The following EP300 variants were observed in gnomAD, a reference collection of about 807,000 sequenced individuals.
The protein encoded by EP300 is histone acetyltransferase p300.
In EP300, 31 loss-of-function variants were observed where a neutral mutation model predicts 264.0. The observed-to-expected ratio is 0.12, with a 90% confidence interval of 0.09 to 0.16. The LOEUF is 0.16. Ranked by LOEUF, EP300 falls within the 10% of genes least tolerant of loss-of-function variation. The pLI is 1.00. For synonymous variants in EP300, 1,340 were observed against 1,045.4 expected, an observed-to-expected ratio of 1.28 and a Z score of -5.44; for missense variants, 2,766 against 3,052.9, an observed-to-expected ratio of 0.91 and a Z score of 2.21.
At chr22:41,159,094 C>A (rs1314912773) in intron 19 of EP300, 1 of 154,532 alleles carries the variant, frequency 6.5e-6, no homozygotes, top group African/African-American at 2.4e-5. Flanking sequence ...TTTTCTCCTG[C>A]CCAATCAATG....
chr22:41,144,355 T>C (rs138581327), intron 10 of EP300, among the ~76,000 whole-genome samples: 51 of 152,198 alleles, frequency 3.4e-4, no homozygotes, highest in African/African-American at 1.2e-3. Context: ...CCTCTAAATA[T>C]TTATATATAT....
At chr22:41,120,313 C>G (rs1286637509) in intron 2 of EP300, among the ~76,000 whole-genome samples, 2 of 152,188 alleles carry the variant, frequency 1.3e-5, no homozygotes, top group Non-Finnish European at 2.9e-5. Context: ...AGACCCCCAT[C>G]TCTACCAAAA....
chr22:41,171,352 T>G (rs1161320430), intron 27 of EP300, among the ~76,000 whole-genome samples: 1 of 152,206 alleles, frequency 6.6e-6, no homozygotes, highest in South Asian at 2.1e-4. Flanking sequence ...GGTGTTTTGT[T>G]TTCAGAAAGG....
chr22:41,144,954 T>C lies in EP300; in HGVS notation c.2054-1785T>C, dbSNP rs577357897. Among the ~76,000 whole-genome samples, 37 of 152,354 alleles carry C rather than the reference T, an allele frequency of 2.4e-4. No individual in the cohort carries two copies. The East Asian group carries it at 6.5e-3, about 27-fold the overall frequency. ...ACCCCCTTTCTCCTACAGTGACACC[T>C]GTCTATAGCTGCACTCATGGCTGAC... On this transcript the variant is annotated intron_variant, in intron 10 of 30. Coordinates refer to ENST00000263253, the MANE Select transcript of EP300 (RefSeq NM_001429.4).
chr22:41,119,169 ATTATTATTTTT>A (rs2058837806), intron 2 of EP300, among the ~76,000 whole-genome samples: 2 of 73,228 alleles, frequency 2.7e-5, no homozygotes, highest in African/African-American at 7.5e-5. Context: ...TGCCTGGCTT[ATTATTATTTTT>A]TTTTTTTTTT....
At chr22:41,118,021 C>G (rs2058831271) in intron 2 of EP300, among the ~76,000 whole-genome samples, 200 bp downstream of exon 2, 1 of 152,160 alleles carries the variant, frequency 6.6e-6, no homozygotes, top group Admixed American at 6.5e-5. Context: ...TTCATACTTC[C>G]AAATGATTGC....
At position 41,117,315 on chromosome 22, in the gene EP300, G is replaced by C. The variant is rs2145696504; in HGVS notation, c.223G>C (p.Ala75Pro). The C allele has an allele frequency of 6.2e-7, 1 of 1,614,196 alleles. No homozygotes were observed. Among genetic ancestry groups the C allele is most frequent in the Non-Finnish European group, 8.5e-7 (1 of 1,180,042 alleles). ...QTSLGMVQDA[A>P]SKHKQLSELL... ...AAGTCTTGGCATGGTACAAGATGCA[G>C]CTTCTAAACATAAACAGCTGTCAGA... is the stretch of plus-strand genomic sequence containing the variant. The change falls in exon 2 of 31, where the codon GCT becomes CCT. Residue 75 changes from alanine (A) to proline (P), a missense_variant. By Grantham distance (27) the Ala-to-Pro change is conservative. Coordinates refer to ENST00000263253, the MANE Select transcript of EP300 (RefSeq NM_001429.4).
chr22:41,158,577 TAC>T (rs2059090386), intron 19 of EP300, 77 bp downstream of exon 19: 2 of 1,135,004 alleles, frequency 1.8e-6, no homozygotes, highest in Non-Finnish European at 2.6e-6. Flanking sequence ...CCAGCACACA[TAC>T]AGTCATGGTT....
chr22:41,134,010 G>T (rs901709120), intron 6 of EP300, among the ~76,000 whole-genome samples: 2 of 152,166 alleles, frequency 1.3e-5, no homozygotes, highest in Non-Finnish European at 2.9e-5. Flanking sequence ...ATTCAAGTTT[G>T]TAAGTCAGAT....
At chr22:41,096,446 C>T (rs1402966838) in intron 1 of EP300, among the ~76,000 whole-genome samples, 1 of 151,956 alleles carries the variant, frequency 6.6e-6, no homozygotes, top group East Asian at 1.9e-4. Flanking sequence ...TCCTTCTGGT[C>T]TTGGTACAGT....
At position 41,093,073 on chromosome 22, in the gene EP300, C is replaced by T. The variant is rs543993838; in HGVS notation, c.69C>T (p.Leu23=). The T allele has an allele frequency of 1.2e-6, 2 of 1,614,148 alleles. No homozygotes were observed. The highest frequency in any genetic ancestry group is 1.3e-5 in the African/African-American group (1 of 75,074). ...AKRPKLSSPA[L]SASASDGTDF... is the part of the protein sequence containing the mutation. ...GGCCTAAACTCTCATCTCCGGCCCT[C>T]TCGGCGTCCGCCAGCGATGGCACAG... The change falls in exon 1 of 31, where the codon CTC becomes CTT. Residue 23 remains leucine, a synonymous_variant. Transcript: ENST00000263253.
In EP300 at chr22:41,172,507, T is replaced by A. The variant is rs1348293551; in HGVS notation, c.4461T>A (p.Phe1487Leu). Residue 1487 changes from phenylalanine (F) to leucine (L), a missense_variant, in exon 28 of 31, where the codon TTT (phenylalanine) becomes TTA (leucine). Physicochemically the swap from Phe to Leu is conservative, Grantham distance 22. Coordinates refer to ENST00000263253, the MANE Select transcript of EP300 (RefSeq NM_001429.4). ...ERIVHDYKDI[F>L]KQATEDRLTS... ...CATGCATGTTTTCACAGGATATTTTTAAACAAGCTACTGAAGATAGATTAA... is the reference window on the plus strand; with the variant it reads ...CATGCATGTTTTCACAGGATATTTTAAAACAAGCTACTGAAGATAGATTAA... 1.9e-6 allele frequency: 3 copies of A among 1,613,038 alleles called. No homozygotes were observed. The highest frequency in any genetic ancestry group is 2.7e-5 in the African/African-American group (2 of 74,942).
chr22:41,105,922 C>A (rs890887503), intron 1 of EP300, among the ~76,000 whole-genome samples: 49 of 152,128 alleles, frequency 3.2e-4, no homozygotes, highest in African/African-American at 1.1e-3. Context: ...ATAAAACTTA[C>A]AAGTTTTCCT....
Position 41,168,484 on chromosome 22 carries a change from A to T in EP300, c.3910A>T (p.Asn1304Tyr). 6.2e-7 allele frequency: 1 copy of T among 1,614,202 alleles called. No individual in the cohort carries two copies. Among genetic ancestry groups the T allele is most frequent in the South Asian group, 1.1e-5 (1 of 91,086 alleles). ...TACCAGACTTGGCACCTTTCTAGAG[A>T]ATCGTGTGAATGACTTTCTGAGGCG... ...PSTRLGTFLE[N>Y]RVNDFLRRQN... The change falls in exon 24 of 31, where the codon AAT becomes TAT. Residue 1304 changes from asparagine to tyrosine, a missense_variant. Physicochemically the swap from Asn to Tyr is moderately radical, Grantham distance 143 (BLOSUM62 -2). Coordinates refer to ENST00000263253, the MANE Select transcript of EP300 (RefSeq NM_001429.4).
At chr22:41,168,308 A>G in intron 23 of EP300, 141 bp from the exon 24 acceptor site, 2 of 884,248 alleles carry the variant, frequency 2.3e-6, no homozygotes, top group South Asian at 1.4e-5. Flanking sequence ...CAAAGTAGTG[A>G]CTACTTTGCT....
In EP300 at chr22:41,179,279, G is replaced by T. The variant is rs2059225093; in HGVS notation, c.*323G>T. The stretch of plus-strand genomic sequence containing the variant: ...ATGCTCCTGCCTTGCACCTCCAATA[G>T]GTTTTATTATTTTTTTTAAATTAAT... On this transcript the variant is annotated 3_prime_UTR_variant, in exon 31 of 31. Transcript: ENST00000263253. The T allele has an allele frequency of 1.6e-5, 5 of 311,498 alleles. No individual in the cohort carries two copies. Among genetic ancestry groups the T allele is most frequent in the East Asian group, 9.8e-5 (2 of 20,498 alleles). The allele number at this position is 311,498 out of a possible 1,614,324, so 19.3% of individuals were successfully genotyped here. A position where few individuals can be genotyped will look rare whatever the true frequency, so the allele number is the denominator to read the frequency against.
rs370355846 is a variant in EP300 at position 41,117,298 on chromosome 22, G to T, written c.206G>T (p.Gly69Val). 2 of 1,614,160 alleles carry T rather than the reference G, an allele frequency of 1.2e-6. No homozygotes were observed. Among genetic ancestry groups the T allele is most frequent in the East Asian group, 2.2e-5 (1 of 44,876 alleles). The change falls in exon 2 of 31, where the codon GGC (glycine) becomes GTC (valine). Residue 69 changes from glycine (G) to valine (V), a missense_variant. Gly to Val is a moderately radical substitution (Grantham distance 109, BLOSUM62 -3). Coordinates refer to ENST00000263253, the MANE Select transcript of EP300 (RefSeq NM_001429.4). The part of the protein sequence containing the change: ...GDINQLQTSL[G>V]MVQDAASKHK... ...ATTAATCAGCTTCAGACAAGTCTTG[G>T]CATGGTACAAGATGCAGCTTCTAAA...
At chr22:41,141,502 C>G (rs1272736912) in intron 10 of EP300, among the ~76,000 whole-genome samples, 1 of 152,078 alleles carries the variant, frequency 6.6e-6, no homozygotes, top group Non-Finnish European at 1.5e-5. Flanking sequence ...AAAGCAATAG[C>G]CTACATACAG....
At position 41,178,632 on chromosome 22, in the gene EP300, G is replaced by A. The variant is rs1239603966; in HGVS notation, c.6921G>A (p.Val2307=). Residue 2307 remains valine (V), a synonymous_variant, in exon 31 of 31, where the codon GTG becomes GTA. Coordinates refer to ENST00000263253, the MANE Select transcript of EP300 (RefSeq NM_001429.4). ...QQIPNSLSNQ[V]RSPQPVPSPR... ...TCCCTAATTCTCTCTCCAATCAAGT[G>A]CGCTCTCCCCAGCCTGTCCCTTCTC... is the stretch of plus-strand genomic sequence containing the variant. 12 of 1,613,904 alleles carry A rather than the reference G, an allele frequency of 7.4e-6. No individual in the cohort carries two copies. The Admixed American group carries it at 1.3e-4, about 18-fold the overall frequency.
Sources: gnomAD v4.1 joint callset for allele counts (sites outside exome capture counted in the v4.1 genomes callset) on GRCh38, gnomAD v4.1.1 for gene constraint, MANE v1.5 for transcripts, NCBI Gene and HGNC (gene_info 2026-07-23, HGNC 2026-07-21) for gene names.